SPTLC2: variants seen among roughly 807,000 people sequenced by gnomAD.
SPTLC2 encodes serine palmitoyltransferase long chain base subunit 2.
In SPTLC2, 21 loss-of-function variants were observed where a neutral mutation model predicts 62.0. The observed-to-expected ratio is 0.34, with a 90% CI of 0.24 to 0.49. SPTLC2 has a LOEUF of 0.49. SPTLC2 is among the 20% of genes least tolerant of loss of function. SPTLC2 has a pLI of 0.99. For synonymous variants in SPTLC2, 261 were observed against 261.8 expected, an observed-to-expected ratio of 1.00 and a Z score of 0.03; for missense variants, 511 against 713.0, an observed-to-expected ratio of 0.72 and a Z score of 3.23.
chr14:77,589,244 T>A (rs1415647179), intron 2 of SPTLC2, among the ~76,000 whole-genome samples: 1 of 152,114 alleles, frequency 6.6e-6, no homozygotes, highest in African/African-American at 2.4e-5. Flanking sequence ...CCGTCTGTCC[T>A]TTCCTGTTTT....
chr14:77,513,895 CAA>C (rs35769140), intron 11 of SPTLC2, among the ~76,000 whole-genome samples: 3 of 106,210 alleles, frequency 2.8e-5, no homozygotes, highest in Admixed American at 1.0e-4. Flanking sequence ...AACTCTGTCT[CAA>C]AAAAAAAAAA....
rs1190713237 is a variant in SPTLC2 at position 77,513,016 on chromosome 14, C to CTTTTTTTTTTT, written c.1570-624_1570-614dup. On this transcript the variant is annotated intron_variant, in intron 11 of 11. Coordinates refer to ENST00000216484, the MANE Select transcript of SPTLC2 (RefSeq NM_004863.4). ...AGGCGTAAGCCAACGAACCCAGCAA[C>CTTTTTTTTTTT]TTTTTTTTTTTTTTTTTTTTTTTTT... is the stretch of plus-strand genomic sequence containing the variant. 8.6e-3 allele frequency among the ~76,000 whole-genome samples: 543 copies of CTTTTTTTTTTT among 62,828 alleles called. 116 individuals are homozygous for CTTTTTTTTTTT. The highest frequency in any genetic ancestry group is 0.013 in the Admixed American group (41 of 3,172). The allele number at this position is 62,828 out of a possible 152,430, so 41.2% of individuals were successfully genotyped here. A position where few individuals can be genotyped will look rare whatever the true frequency, so the allele number is the denominator to read the frequency against.
chr14:77,588,911 A>G (rs1237923077), intron 2 of SPTLC2, among the ~76,000 whole-genome samples: 1 of 140,900 alleles, frequency 7.1e-6, no homozygotes, highest in Non-Finnish European at 1.5e-5. Flanking sequence ...TGGGAGGATC[A>G]CCTGAGCACA....
At chr14:77,585,777 A>C (rs1216964520) in intron 2 of SPTLC2, among the ~76,000 whole-genome samples, 2 of 152,188 alleles carry the variant, frequency 1.3e-5, no homozygotes, top group Non-Finnish European at 2.9e-5. Context: ...AAATCTACAA[A>C]ACTATAAAGT....
chr14:77,597,525 A>T (rs1046344406), intron 1 of SPTLC2, 145 bp from the exon 2 acceptor site: 1 of 745,356 alleles, frequency 1.3e-6, no homozygotes, highest in Non-Finnish European at 2.2e-6. Flanking sequence ...CTGTAATCCC[A>T]GCACTTTGGG....
At chr14:77,525,607 A>G (rs2079405382) in intron 9 of SPTLC2, among the ~76,000 whole-genome samples, 1 of 151,092 alleles carries the variant, frequency 6.6e-6, no homozygotes, top group Non-Finnish European at 1.5e-5. Context: ...AAAAAGAAAA[A>G]TTAAAAAAAT....
At chr14:77,543,635 A>C (rs2079513429) in intron 9 of SPTLC2, among the ~76,000 whole-genome samples, 2 of 152,210 alleles carry the variant, frequency 1.3e-5, no homozygotes, top group South Asian at 2.1e-4. Flanking sequence ...TAAAAATACA[A>C]GCAGCCCCCC....
intron 2 of SPTLC2, among the ~76,000 whole-genome samples, chr14:77,584,350 CATG>C (rs1458370064): frequency 6.6e-6 from 1 of 152,178 alleles, no homozygotes; most frequent in Non-Finnish European, 1.5e-5. Flanking sequence ...AATATGTTTA[CATG>C]ATGATGATAA....
intron 2 of SPTLC2, among the ~76,000 whole-genome samples, chr14:77,591,175 C>CT (rs1404606963): frequency 6.6e-6 from 1 of 152,202 alleles, no homozygotes; most frequent in Admixed American, 6.5e-5. Flanking sequence ...ACAACATGAA[C>CT]TTCAAATACA....
chr14:77,562,481 C>A lies in SPTLC2; in HGVS notation c.765G>T (p.Leu255=). ...CATGATTCAGTTCATCACTCAGAAT[C>A]AGGCAACCCTGCAACATCACAGGAA... ...NIPALVGKGC[L]ILSDELNHAS... Residue 255 remains leucine, a synonymous_variant, in exon 6 of 12, where the codon CTG becomes CTT. Transcript: ENST00000216484. 6.2e-7 allele frequency: 1 copy of A among 1,614,038 alleles called. No homozygotes were observed. Among genetic ancestry groups the A allele is most frequent in the East Asian group, 2.2e-5 (1 of 44,874 alleles).
intron 1 of SPTLC2, among the ~76,000 whole-genome samples, chr14:77,606,720 C>T (rs1027030589): frequency 6.6e-6 from 1 of 152,092 alleles, no homozygotes; most frequent in Non-Finnish European, 1.5e-5. Flanking sequence ...GGCACAGGAG[C>T]TCACGCCTGT....
chr14:77,609,717 G>A (rs2079924835), intron 1 of SPTLC2, among the ~76,000 whole-genome samples: 1 of 151,744 alleles, frequency 6.6e-6, no homozygotes, highest in South Asian at 2.1e-4. Flanking sequence ...AACGGAGTGA[G>A]ACTCTGTCTC....
intron 5 of SPTLC2, among the ~76,000 whole-genome samples, chr14:77,565,260 A>G (rs1380347007): frequency 6.6e-6 from 1 of 150,884 alleles, no homozygotes; most frequent in Non-Finnish European, 1.5e-5. Context: ...AAAAAAAAAA[A>G]AAAAAAAAGA....
chr14:77,589,856 C>A (rs565768237), intron 2 of SPTLC2, among the ~76,000 whole-genome samples: 1 of 151,558 alleles, frequency 6.6e-6, no homozygotes, highest in African/African-American at 2.4e-5. Context: ...TGCACGCCTG[C>A]AGTCCCAGCT....
rs938549399 is a variant in SPTLC2, at chr14:77,595,538, T to G, written c.327+1648A>C. Among the ~76,000 whole-genome samples, 5 of 152,310 alleles carry G rather than the reference T, an allele frequency of 3.3e-5. No individual in the cohort carries two copies. In the East Asian group the frequency reaches 9.6e-4, roughly 29 times the overall value. On this transcript the variant is annotated intron_variant, in intron 2 of 11. Coordinates refer to ENST00000216484, the MANE Select transcript of SPTLC2 (RefSeq NM_004863.4). Reference sequence around the variant, plus strand: ...GGCAATGAGTAGGATGGCCAACTTGTGCTGGGGCTCGGATGGAGTACAAGA... The same window carrying G: ...GGCAATGAGTAGGATGGCCAACTTGGGCTGGGGCTCGGATGGAGTACAAGA...
chr14:77,542,574 T>G (rs968328888), intron 9 of SPTLC2, among the ~76,000 whole-genome samples: 2 of 152,090 alleles, frequency 1.3e-5, no homozygotes, highest in African/African-American at 4.8e-5. Flanking sequence ...CAACCCCTAT[T>G]TTGCTAGACT....
rs2079335712 is a variant in SPTLC2, at chr14:77,512,231, C to CCA, written c.*51_*52dup. ...GGTTCCTGGAACTGGCTCACAAAGG[C>CCA]CACAGGCTGTCCTGGGTGAGGGAGA... is the stretch of plus-strand genomic sequence containing the variant. On this transcript the variant is annotated 3_prime_UTR_variant, in exon 12 of 12. Coordinates refer to ENST00000216484, the MANE Select transcript of SPTLC2 (RefSeq NM_004863.4). 6.2e-7 allele frequency: 1 copy of CCA among 1,611,958 alleles called. No homozygotes were observed. The highest frequency in any genetic ancestry group is 1.1e-5 in the South Asian group (1 of 90,954).
chr14:77,577,061 A>G, intron 3 of SPTLC2, 146 bp from the exon 4 acceptor site: 1 of 840,292 alleles, frequency 1.2e-6, no homozygotes. Flanking sequence ...TTATGGAAAT[A>G]GAAGTTAAAA....
At chr14:77,595,802 G>A (rs1439760523) in intron 2 of SPTLC2, among the ~76,000 whole-genome samples, 4 of 151,976 alleles carry the variant, frequency 2.6e-5, no homozygotes, top group South Asian at 2.1e-4. Flanking sequence ...TCTTTTCCTC[G>A]GACGCACAGG....
Sources: gnomAD v4.1 joint callset for allele counts (sites outside exome capture counted in the v4.1 genomes callset) on GRCh38, gnomAD v4.1.1 for gene constraint, MANE v1.5 for transcripts, NCBI Gene and HGNC (gene_info 2026-07-23, HGNC 2026-07-21) for gene names.